The following GRID2 variants were observed in gnomAD, a reference collection of about 807,000 sequenced individuals.
GRID2 encodes the protein glutamate ionotropic receptor delta type subunit 2.
GRID2 carries 33 observed loss-of-function variants against 114.8 expected under a neutral mutation model. The ratio of observed to expected loss-of-function variants is 0.29; its 90% CI spans 0.22 to 0.38. The LOEUF is 0.38. Ranked by LOEUF, GRID2 falls within the 10% of genes least tolerant of loss-of-function variation. GRID2 has a pLI of 1.00. For synonymous variants in GRID2, 505 were observed against 449.9 expected (o/e 1.12, Z -1.55); for missense variants, 1,184 against 1,257.7 (o/e 0.94, Z 0.89).
intron 12 of GRID2, among the ~76,000 whole-genome samples, chr4:93,506,476 G>T (rs1728641123): frequency 6.6e-6 from 1 of 152,160 alleles, no homozygotes; most frequent in South Asian, 2.1e-4. Flanking sequence ...AAATGAAATA[G>T]ACACTCTAAA....
chr4:93,038,415 T>G (rs376034834), intron 2 of GRID2, among the ~76,000 whole-genome samples: 1 of 152,142 alleles, frequency 6.6e-6, no homozygotes, highest in Admixed American at 6.6e-5. Flanking sequence ...AAAGAGTTCA[T>G]CATCACTGGT....
intron 2 of GRID2, among the ~76,000 whole-genome samples, chr4:92,705,678 C>G (rs1229950571): frequency 6.6e-6 from 1 of 152,196 alleles, no homozygotes. Flanking sequence ...ATGCCTCTTT[C>G]TTGCAACTGC....
chr4:93,250,655 TTTTATATA>T (rs976270969), intron 8 of GRID2, among the ~76,000 whole-genome samples: 8 of 143,234 alleles, frequency 5.6e-5, no homozygotes, highest in African/African-American at 1.1e-4. Flanking sequence ...TATATATATA[TTTTATATA>T]TTTATATATT....
intron 1 of GRID2, among the ~76,000 whole-genome samples, chr4:92,535,459 C>G (rs537136590): frequency 6.6e-6 from 1 of 152,106 alleles, no homozygotes; most frequent in South Asian, 2.1e-4. Flanking sequence ...GACTAGATTC[C>G]CTACTGTTAA....
intron 1 of GRID2, among the ~76,000 whole-genome samples, chr4:92,364,852 C>T (rs926163420): frequency 2.0e-5 from 3 of 151,982 alleles, no homozygotes; most frequent in Non-Finnish European, 2.9e-5. Flanking sequence ...CCTGTAATCC[C>T]GGTTCAAAGT....
chr4:92,759,099 T>A (rs1737864240), intron 2 of GRID2, among the ~76,000 whole-genome samples: 2 of 152,178 alleles, frequency 1.3e-5, no homozygotes, highest in Non-Finnish European at 2.9e-5. Flanking sequence ...GGGACGGGAT[T>A]CTAGAAAAAC....
intron 11 of GRID2, 121 bp downstream of exon 11, chr4:93,456,095 A>G: frequency 1.6e-6 from 1 of 634,536 alleles, no homozygotes; most frequent in Non-Finnish European, 2.8e-6. Context: ...GGGTACTCAC[A>G]GAAATGCTCA....
intron 1 of GRID2, among the ~76,000 whole-genome samples, chr4:92,522,543 C>A (rs1724840300): frequency 6.6e-6 from 1 of 151,856 alleles, no homozygotes; most frequent in Non-Finnish European, 1.5e-5. Context: ...GAAGTAGGAA[C>A]CCTCCTAATG....
Position 92,603,760 on chromosome 4 carries a change from G to A in GRID2, c.244+13474G>A, listed in dbSNP as rs1333863333. Among the ~76,000 whole-genome samples the A allele has an allele frequency of 3.3e-5, 5 of 151,944 alleles. No homozygotes were observed. In the East Asian group the frequency reaches 7.7e-4, roughly 23 times the overall value. On this transcript the variant is annotated intron_variant, in intron 2 of 15. Coordinates refer to ENST00000282020, the MANE Select transcript of GRID2 (RefSeq NM_001510.4). The stretch of plus-strand genomic sequence containing the variant: ...CATCAGAACAGAAAACCAACAGAAT[G>A]GGAGAAAATTTTCACAATCTATCCA...
At chr4:92,975,178 G>A (rs993463163) in intron 2 of GRID2, among the ~76,000 whole-genome samples, 4 of 65,780 alleles carry the variant, frequency 6.1e-5, no homozygotes, top group East Asian at 3.6e-4. Flanking sequence ...AAAAAAAAAA[G>A]GTGTTGATTA....
At chr4:92,606,924 C>G (rs1228109682) in intron 2 of GRID2, among the ~76,000 whole-genome samples, 3 of 151,942 alleles carry the variant, frequency 2.0e-5, no homozygotes, top group African/African-American at 4.8e-5. Context: ...CTGTGCATTG[C>G]AAGATAAAAT....
chr4:92,618,489 T>C (rs7693534), intron 2 of GRID2, among the ~76,000 whole-genome samples: 56,023 of 151,330 alleles, frequency 0.37, 10,554 homozygotes, highest in African/African-American at 0.45. Flanking sequence ...TTTGGCTATA[T>C]AGATCCTTTT....
intron 2 of GRID2, among the ~76,000 whole-genome samples, chr4:92,632,631 C>A (rs747927181): frequency 1.5e-4 from 22 of 147,380 alleles, no homozygotes; most frequent in Non-Finnish European, 3.0e-4. Context: ...GATTCTGTCT[C>A]GAAAGAAAGA....
At chr4:93,742,062 T>G (rs538886642) in intron 14 of GRID2, among the ~76,000 whole-genome samples, 2 of 152,330 alleles carry the variant, frequency 1.3e-5, no homozygotes, top group South Asian at 4.1e-4. Flanking sequence ...GAGATTTTAC[T>G]TTTTAATCAA....
chr4:92,996,565 G>A (rs1755211897), intron 2 of GRID2, among the ~76,000 whole-genome samples: 1 of 152,074 alleles, frequency 6.6e-6, no homozygotes. Flanking sequence ...GTACATTACT[G>A]ATGTCTTCAG....
At chr4:92,881,099 C>CG (rs1745977620) in intron 2 of GRID2, among the ~76,000 whole-genome samples, 1 of 152,102 alleles carries the variant, frequency 6.6e-6, no homozygotes, top group South Asian at 2.1e-4. Context: ...GGAAGGGTTT[C>CG]GCCAAGTTGG....
intron 14 of GRID2, among the ~76,000 whole-genome samples, chr4:93,725,834 GT>G (rs1199757480): frequency 1.2e-4 from 19 of 152,006 alleles, no homozygotes; most frequent in African/African-American, 3.6e-4. Flanking sequence ...GGGGTTGTTT[GT>G]TTTTTTCTTG....
intron 1 of GRID2, among the ~76,000 whole-genome samples, chr4:92,367,088 TG>T (rs1728905498): frequency 6.6e-6 from 1 of 152,070 alleles, no homozygotes; most frequent in Admixed American, 6.6e-5. Flanking sequence ...AATTTGAGTT[TG>T]TCTGTTATTT....
chr4:92,666,650 G>GTTTTTTTTTTT (rs70942922), intron 2 of GRID2, among the ~76,000 whole-genome samples: 2,241 of 68,306 alleles, frequency 0.033, 210 homozygotes, highest in Non-Finnish European at 0.043. Flanking sequence ...CTTAAGGGTT[G>GTTTTTTTTTTT]TTTTTTTTTT....
Sources: allele counts gnomAD v4.1 joint callset (sites outside exome capture counted in the v4.1 genomes callset), GRCh38; gene constraint gnomAD v4.1.1; transcripts MANE v1.5; gene names NCBI Gene and HGNC (gene_info 2026-07-23, HGNC 2026-07-21).